Variants in PTPRE observed in about 807,000 individuals in gnomAD.
The protein encoded by PTPRE is protein tyrosine phosphatase receptor type E.
In PTPRE, 51 loss-of-function variants were observed where a neutral mutation model predicts 102.0. That is an observed-to-expected ratio of 0.50 (90% confidence interval 0.40 to 0.63). The LOEUF (loss-of-function observed/expected upper bound fraction) is 0.63, where lower values mean the gene tolerates loss of function less well. PTPRE is among the 30% of genes least tolerant of loss of function. PTPRE has a pLI of 0.00. For missense variants in PTPRE, 752 were observed against 915.1 expected, an observed-to-expected ratio of 0.82 and a Z score of 2.30; for synonymous variants, 345 against 348.2, an observed-to-expected ratio of 0.99 and a Z score of 0.10.
chr10:128,021,822 G>A (rs1189637485), intron 2 of PTPRE, among the ~76,000 whole-genome samples: 1 of 152,224 alleles, frequency 6.6e-6, no homozygotes, highest in East Asian at 1.9e-4. Flanking sequence ...GTTTCTTGCT[G>A]TATCTCTTAC....
At chr10:128,034,206 T>C (rs1459256377) in intron 2 of PTPRE, among the ~76,000 whole-genome samples, 3 of 152,130 alleles carry the variant, frequency 2.0e-5, no homozygotes, top group Non-Finnish European at 4.4e-5. Flanking sequence ...CCTAAAAAGA[T>C]GGTGAATCTT....
intron 1 of PTPRE, among the ~76,000 whole-genome samples, chr10:127,968,360 G>A (rs564303223): frequency 3.3e-5 from 5 of 152,318 alleles, no homozygotes; most frequent in African/African-American, 4.8e-5. Context: ...AAGGGCCACC[G>A]TGTGAAACCT....
rs186603994 is a variant in PTPRE, at chr10:128,005,691, T to C, written c.-8+23395T>C. On this transcript the variant is annotated intron_variant, in intron 2 of 20. Coordinates refer to ENST00000254667, the MANE Select transcript of PTPRE (RefSeq NM_006504.6). ...TGCCCAAGGACCCTCAGTCTGGTGA[T>C]GGGATGTGGGGCAGAGGGAGGACGC... Among the ~76,000 whole-genome samples the C allele has an allele frequency of 6.1e-3, 925 of 152,208 alleles. 29 individuals are homozygous for C. Among genetic ancestry groups the C allele is most frequent in the Admixed American group, 0.052 (792 of 15,290 alleles).
At chr10:128,051,689 C>G (rs754588829) in intron 6 of PTPRE, among the ~76,000 whole-genome samples, 9 of 152,330 alleles carry the variant, frequency 5.9e-5, no homozygotes, top group Non-Finnish European at 1.3e-4. Flanking sequence ...AGAGGAAGTT[C>G]CTCATTCTCT....
intron 1 of PTPRE, among the ~76,000 whole-genome samples, chr10:127,975,491 G>T (rs1012961205): frequency 3.1e-4 from 47 of 152,138 alleles, no homozygotes; most frequent in African/African-American, 1.1e-3. Flanking sequence ...CTGGCCACAG[G>T]TTACCGTGGA....
rs368844888 is a variant in PTPRE at position 128,066,060 on chromosome 10, A to T, written c.724-15A>T. 5.0e-6 allele frequency: 8 copies of T among 1,614,088 alleles called. No homozygotes were observed. The African/African-American group carries it at 9.3e-5, about 19-fold the overall frequency. On this transcript the variant is annotated splice_polypyrimidine_tract_variant and intron_variant, in intron 10 of 20. Transcript: ENST00000254667. ...CCCACAGATCTATTTGCTTCTATTA[A>T]ATTGTTCCGTGCAGGAAAAGTGCCA...
At position 128,056,196 on chromosome 10, in the gene PTPRE, A is replaced by G; in HGVS notation, c.494A>G (p.Tyr165Cys). 1 of 1,606,370 alleles carries G rather than the reference A, an allele frequency of 6.2e-7. No homozygotes were observed. The highest frequency in any genetic ancestry group is 8.5e-7 in the Non-Finnish European group (1 of 1,172,976). Residue 165 changes from tyrosine to cysteine, a missense_variant, in exon 7 of 21, where the codon TAT becomes TGT. Physicochemically the swap from Tyr to Cys is radical, Grantham distance 194 (BLOSUM62 -2). Around this residue, in one of 2 missense-constraint regions of PTPRE, gnomAD observed 636 missense variants for 824.4 expected, o/e 0.77. Coordinates refer to ENST00000254667, the MANE Select transcript of PTPRE (RefSeq NM_006504.6). ...NKEENREKNR[Y>C]PNILPNDHSR... ...GAAGAAAACAGAGAAAAAAACAGAT[A>G]TCCCAACATCCTTCCCAGTAAGATT...
At chr10:127,951,969 C>T (rs912819292) in intron 1 of PTPRE, among the ~76,000 whole-genome samples, 13 of 152,212 alleles carry the variant, frequency 8.5e-5, no homozygotes, top group African/African-American at 2.2e-4. Context: ...TAACACATCT[C>T]CTGATACCTG....
chr10:128,068,998 G>T (rs1850524793), intron 12 of PTPRE: 1 of 152,368 alleles, frequency 6.6e-6, no homozygotes, highest in Non-Finnish European at 1.5e-5. Context: ...TTACAGACAG[G>T]TTCATTCTGA....
intron 1 of PTPRE, among the ~76,000 whole-genome samples, chr10:127,963,748 T>C (rs1850019929): frequency 6.6e-6 from 1 of 152,048 alleles, no homozygotes; most frequent in Non-Finnish European, 1.5e-5. Flanking sequence ...GGGCTGGGGA[T>C]AGTCTCTAGC....
Position 128,070,946 on chromosome 10 carries a change from G to C in PTPRE, c.1387+45G>C. The C allele has an allele frequency of 6.4e-7, 1 of 1,559,818 alleles. No homozygotes were observed. Among genetic ancestry groups the C allele is most frequent in the South Asian group, 1.1e-5 (1 of 89,508 alleles). The stretch of plus-strand genomic sequence containing the variant: ...GCTTGGGCAGGGCTGGGGCGGGGCT[G>C]GTGCCGGAGGCTTTCATCCTGGAGA... On this transcript the variant is annotated intron_variant, in intron 15 of 20. Transcript: ENST00000254667. This position sits in a 1 kb window ranked among gnomAD's most constrained non-coding sequence, Gnocchi z 4.8.
chr10:127,946,885 A>G lies in PTPRE; in HGVS notation c.-30-35389A>G, dbSNP rs919225236. 3.3e-5 allele frequency among the ~76,000 whole-genome samples: 5 copies of G among 152,196 alleles called. No individual in the cohort carries two copies. In the East Asian group the frequency reaches 9.7e-4, roughly 29 times the overall value. On this transcript the variant is annotated intron_variant, in intron 1 of 20. Transcript: ENST00000254667. ...CCTGGCTCTGCTAAAAACTAAAGCC[A>G]GATGTGATGGCTTGTGACTGTAGTC... is the stretch of plus-strand genomic sequence containing the variant.
chr10:128,077,864 G>C (rs1398574749), intron 19 of PTPRE, 81 bp downstream of exon 19: 3 of 1,467,752 alleles, frequency 2.0e-6, no homozygotes, highest in South Asian at 1.3e-5. Context: ...GGGCAGCAGA[G>C]CCTGGTCGCT....
intron 2 of PTPRE, chr10:127,987,336 G>A (rs902436698): frequency 7.8e-6 from 10 of 1,274,688 alleles, no homozygotes; most frequent in Non-Finnish European, 1.0e-5. Flanking sequence ...CAGCTGTCAG[G>A]GAAACATGGA....
Position 128,028,837 on chromosome 10 carries a change from G to A in PTPRE, c.-7-12038G>A, listed in dbSNP as rs1216723337. Among the ~76,000 whole-genome samples, 1 of 152,114 alleles carries A rather than the reference G, an allele frequency of 6.6e-6. No homozygotes were observed. Among genetic ancestry groups the A allele is most frequent in the Non-Finnish European group, 1.5e-5 (1 of 68,018 alleles). On this transcript the variant is annotated intron_variant, in intron 2 of 20. Transcript: ENST00000254667. This position sits in a 1 kb window ranked among gnomAD's most constrained non-coding sequence, Gnocchi z 4.5. ...TGGCCACTCACTTCCACCCTGCCCC[G>A]GCCCAGCCCTGGCCACCCCAGACGT...
At chr10:127,929,834 A>G (rs989645109) in intron 1 of PTPRE, among the ~76,000 whole-genome samples, 2 of 152,180 alleles carry the variant, frequency 1.3e-5, no homozygotes, top group African/African-American at 4.8e-5. Context: ...AGGCAGGCAG[A>G]TCACTTGAGG....
In PTPRE at chr10:128,077,690, T is replaced by A; in HGVS notation, c.1799T>A (p.Ile600Asn). The A allele has an allele frequency of 6.2e-7, 1 of 1,613,866 alleles. No individual in the cohort carries two copies. The highest frequency in any genetic ancestry group is 8.5e-7 in the Non-Finnish European group (1 of 1,179,830). The change falls in exon 19 of 21, where the codon ATT becomes AAT. Residue 600 changes from isoleucine (I) to asparagine (N), a missense_variant. Physicochemically the swap from Ile to Asn is moderately radical, Grantham distance 149. Transcript: ENST00000254667. ...TTCCACGGCTGGCCTGAGATCGGGA[T>A]TCCCGCCGAGGGCAAAGGCATGATT... Reference protein sequence around the residue: ...FHFHGWPEIGIPAEGKGMIDL... With the variant: ...FHFHGWPEIGNPAEGKGMIDL...
chr10:127,922,246 T>C (rs1846655285), intron 1 of PTPRE, among the ~76,000 whole-genome samples: 1 of 152,220 alleles, frequency 6.6e-6, no homozygotes, highest in Non-Finnish European at 1.5e-5. Flanking sequence ...CTCAAGTTCA[T>C]TTAACACATG....
At chr10:127,912,694 T>G (rs148639287) in intron 1 of PTPRE, among the ~76,000 whole-genome samples, 6 of 152,322 alleles carry the variant, frequency 3.9e-5, no homozygotes, top group Non-Finnish European at 7.3e-5. Flanking sequence ...AGGGCTAGCA[T>G]GGGAACAATA....
Sources: gnomAD v4.1 joint callset for allele counts (sites outside exome capture counted in the v4.1 genomes callset) on GRCh38, gnomAD v4.1.1 for gene constraint, gnomAD v4.1.1 regional missense constraint, Gnocchi (gnomAD v3.1) non-coding constraint, MANE v1.5 for transcripts, NCBI Gene and HGNC (gene_info 2026-07-23, HGNC 2026-07-21) for gene names.